ASCC3: variants seen among roughly 807,000 people sequenced by gnomAD.
ASCC3 encodes the protein activating signal cointegrator 1 complex subunit 3, also known as ASC-1 complex subunit P200.
Under a neutral mutation model 256.3 loss-of-function variants are expected in ASCC3, and 158 were observed. The observed-to-expected ratio is 0.62, with a 90% CI of 0.54 to 0.70. ASCC3 has a LOEUF of 0.70. Ranked by LOEUF, ASCC3 falls within the 30% of genes least tolerant of loss-of-function variation. The pLI is 0.00. For synonymous variants in ASCC3, 948 were observed against 883.4 expected, an observed-to-expected ratio of 1.07 and a Z score of -1.30; for missense variants, 2,259 against 2,626.0, an observed-to-expected ratio of 0.86 and a Z score of 3.05.
At chr6:100,808,314 T>C (rs530833614) in intron 4 of ASCC3, among the ~76,000 whole-genome samples, 1 of 151,796 alleles carries the variant, frequency 6.6e-6, no homozygotes, top group East Asian at 1.9e-4. Context: ...ATGAGACCAA[T>C]AGATTTTCAC....
At chr6:100,587,355 A>G (rs79528417) in intron 36 of ASCC3, among the ~76,000 whole-genome samples, 2,452 of 152,296 alleles carry the variant, frequency 0.016, 65 homozygotes, top group African/African-American at 0.056. Context: ...ATTTCTGGAA[A>G]TTACACCACA....
chr6:100,770,523 C>T (rs1781867097), intron 8 of ASCC3, among the ~76,000 whole-genome samples: 1 of 151,306 alleles, frequency 6.6e-6, no homozygotes, highest in African/African-American at 2.4e-5. Context: ...GAAATAAAGT[C>T]ATTAATATAA....
intron 34 of ASCC3, among the ~76,000 whole-genome samples, chr6:100,594,435 G>C (rs114280022): frequency 0.016 from 2,483 of 152,226 alleles, 66 homozygotes; most frequent in African/African-American, 0.056. Context: ...CTAAAAATAA[G>C]TGGGAAAAAT....
intron 1 of ASCC3, among the ~76,000 whole-genome samples, chr6:100,879,225 A>G (rs1769158690): frequency 6.6e-6 from 1 of 152,184 alleles, no homozygotes; most frequent in African/African-American, 2.4e-5. Flanking sequence ...ACACCACCTC[A>G]AGGAATCTCC....
chr6:100,662,126 C>G lies in ASCC3; in HGVS notation c.2479-96G>C, dbSNP rs1776250305. 18 of 1,269,580 alleles carry G rather than the reference C, an allele frequency of 1.4e-5. No homozygotes were observed. In the South Asian group the frequency reaches 1.8e-4, roughly 12 times the overall value. 78.6% of individuals were successfully genotyped at this position (1,269,580 alleles called of 1,614,324 possible). A position where few individuals can be genotyped will look rare whatever the true frequency, so the allele number is the denominator to read the frequency against. ...AAATTAGGCAAATATGGCAAGATCTCAAAAGTGTACTTTAACTAATCCTTT... is the reference window on the plus strand; with the variant it reads ...AAATTAGGCAAATATGGCAAGATCTGAAAAGTGTACTTTAACTAATCCTTT... On this transcript the variant is annotated intron_variant, in intron 15 of 41. Coordinates refer to ENST00000369162, the MANE Select transcript of ASCC3 (RefSeq NM_006828.4).
At chr6:100,651,680 AAAATATTTT>A (rs749395359) in intron 18 of ASCC3, 34 bp from the exon 19 acceptor site, 1 of 1,107,132 alleles carries the variant, frequency 9.0e-7, no homozygotes, top group South Asian at 1.9e-5. Flanking sequence ...GATTAAAATA[AAAATATTTT>A]AAATATTTTA....
chr6:100,662,516 C>A lies in ASCC3; in HGVS notation c.2307G>T (p.Lys769Asn). The change falls in exon 15 of 42, where the codon AAG (lysine) becomes AAT (asparagine). Residue 769 changes from lysine (K) to asparagine (N), a missense_variant. By Grantham distance (94) the Lys-to-Asn change is moderately conservative. Coordinates refer to ENST00000369162, the MANE Select transcript of ASCC3 (RefSeq NM_006828.4). ...CATCTGGGAATAATTCTCGTACTTG[C>A]TTATTTCTCGACCTTTGTACCTAGA... ...AEKQVQRSRN[K>N]QVRELFPDGF... 1 of 1,612,950 alleles carries A rather than the reference C, an allele frequency of 6.2e-7. No individual in the cohort carries two copies. Among genetic ancestry groups the A allele is most frequent in the Non-Finnish European group, 8.5e-7 (1 of 1,179,298 alleles).
intron 25 of ASCC3, among the ~76,000 whole-genome samples, chr6:100,635,189 A>ATG (rs953660297): frequency 6.0e-5 from 9 of 150,442 alleles, no homozygotes; most frequent in South Asian, 4.2e-4. Flanking sequence ...TAATATATAT[A>ATG]TGTGTGTGTG....
chr6:100,752,287 T>C (rs1047455880), intron 10 of ASCC3, among the ~76,000 whole-genome samples: 1 of 152,098 alleles, frequency 6.6e-6, no homozygotes, highest in Non-Finnish European at 1.5e-5. Context: ...GTAAAAGAGA[T>C]TAAATCATTT....
At chr6:100,692,901 A>T (rs1365755929) in intron 13 of ASCC3, among the ~76,000 whole-genome samples, 1 of 152,064 alleles carries the variant, frequency 6.6e-6, no homozygotes, top group Non-Finnish European at 1.5e-5. Flanking sequence ...CCATCTTTGA[A>T]ATACTTTTTT....
chr6:100,599,154 C>T (rs983036173), intron 34 of ASCC3, among the ~76,000 whole-genome samples: 2 of 152,074 alleles, frequency 1.3e-5, no homozygotes, highest in African/African-American at 4.8e-5. Flanking sequence ...AGATTATAGC[C>T]ACATATTTTA....
At chr6:100,555,951 G>A (rs553421327) in intron 36 of ASCC3, among the ~76,000 whole-genome samples, 3 of 152,266 alleles carry the variant, frequency 2.0e-5, no homozygotes, top group Non-Finnish European at 4.4e-5. Context: ...AGCCGAGATA[G>A]AGCCACTGCA....
chr6:100,620,561 C>T (rs1773899097), intron 30 of ASCC3, among the ~76,000 whole-genome samples: 1 of 152,120 alleles, frequency 6.6e-6, no homozygotes. Context: ...TTTCTTTATT[C>T]TCCATGCCCC....
At chr6:100,753,315 C>CA (rs66945941) in intron 10 of ASCC3, among the ~76,000 whole-genome samples, 68,943 of 149,848 alleles carry the variant, frequency 0.46, 16,353 homozygotes, top group Middle Eastern at 0.6. Flanking sequence ...CAAAACAAAA[C>CA]AAAACATTTA....
At chr6:100,650,481 C>G (rs534758692) in intron 20 of ASCC3, 57 bp downstream of exon 20, 22 of 1,561,416 alleles carry the variant, frequency 1.4e-5, no homozygotes, top group Non-Finnish European at 1.9e-5. Flanking sequence ...GAATTAACAC[C>G]TTGGTCCTCT....
At chr6:100,646,847 C>A in intron 21 of ASCC3, 78 bp from the exon 22 acceptor site, 1 of 1,410,624 alleles carries the variant, frequency 7.1e-7, no homozygotes, top group Non-Finnish European at 9.9e-7. Flanking sequence ...AATGGGATTT[C>A]AGAGAAGGTG....
intron 10 of ASCC3, among the ~76,000 whole-genome samples, chr6:100,755,028 T>A (rs536913385): frequency 6.6e-6 from 1 of 152,062 alleles, no homozygotes; most frequent in African/African-American, 2.4e-5. Context: ...AATTACCCAG[T>A]CTCGGGTATT....
rs4839784 is a variant in ASCC3, at chr6:100,693,595, C to T, written c.2152-13843G>A. ...TTAGTATAGACAATTAGTGTTCAAG[C>T]TGGGATTTTAGGACCAAAAGGGAAA... On this transcript the variant is annotated intron_variant, in intron 13 of 41. Transcript: ENST00000369162. 2.9e-3 allele frequency among the ~76,000 whole-genome samples: 445 copies of T among 152,252 alleles called. 6 individuals carry two copies. The East Asian group carries it at 0.031, about 11-fold the overall frequency.
chr6:100,774,747 T>G (rs1782107913), intron 8 of ASCC3, among the ~76,000 whole-genome samples: 1 of 152,080 alleles, frequency 6.6e-6, no homozygotes, highest in South Asian at 2.1e-4. Context: ...CAAGTTATCC[T>G]CCCACCTCAG....
Sources: gnomAD v4.1 joint callset for allele counts (sites outside exome capture counted in the v4.1 genomes callset) on GRCh38, gnomAD v4.1.1 for gene constraint, MANE v1.5 for transcripts, NCBI Gene and HGNC (gene_info 2026-07-23, HGNC 2026-07-21) for gene names.